The following RFTN2 variants were observed in gnomAD, a reference collection of about 807,000 sequenced individuals.
RFTN2 encodes the protein raftlin family member 2.
In RFTN2, 34 loss-of-function variants were observed where a neutral mutation model predicts 52.7. The ratio of observed to expected loss-of-function variants is 0.64; its 90% confidence interval spans 0.49 to 0.86. The LOEUF (loss-of-function observed/expected upper bound fraction) is 0.86. RFTN2 is among the 40% of genes least tolerant of loss of function. The probability of loss-of-function intolerance (pLI) is 0.00; values close to 1 mark genes in which losing one functional copy is unlikely to be tolerated. For missense variants in RFTN2, 536 were observed against 600.1 expected, an observed-to-expected ratio of 0.89 and a Z score of 1.12; for synonymous variants, 203 against 217.7, an observed-to-expected ratio of 0.93 and a Z score of 0.59.
chr2:197,634,248 T>C lies in RFTN2; in HGVS notation c.439-251A>G, dbSNP rs1271831489. Among the ~76,000 whole-genome samples, 6 of 152,276 alleles carry C rather than the reference T, an allele frequency of 3.9e-5. No individual in the cohort carries two copies. The East Asian group carries it at 1.2e-3, about 29-fold the overall frequency. ...AAATTATGAAAACAGGAATTATTTT[T>C]CCCTGAAGGGCCACTGTTTGGGAAG... is the stretch of plus-strand genomic sequence containing the variant. On this transcript the variant is annotated intron_variant, in intron 3 of 8. Transcript: ENST00000295049.
At chr2:197,600,424 G>T (rs889302844) in intron 7 of RFTN2, among the ~76,000 whole-genome samples, 3 of 152,144 alleles carry the variant, frequency 2.0e-5, no homozygotes, top group African/African-American at 7.2e-5. Context: ...TTTTCTGAGG[G>T]CCATTTTGAT....
At chr2:197,596,184 T>G in intron 7 of RFTN2, 115 bp from the exon 8 acceptor site, 1 of 494,034 alleles carries the variant, frequency 2.0e-6, no homozygotes, top group Non-Finnish European at 3.5e-6. Flanking sequence ...CCAAAAATAA[T>G]TATAAAATAT....
At chr2:197,585,347 T>C (rs910488726) in intron 8 of RFTN2, among the ~76,000 whole-genome samples, 2 of 152,232 alleles carry the variant, frequency 1.3e-5, no homozygotes, top group Non-Finnish European at 2.9e-5. Flanking sequence ...TACTTGTAAA[T>C]GCCCTGCCCT....
chr2:197,580,005 A>C (rs563576600), intron 8 of RFTN2, among the ~76,000 whole-genome samples: 11 of 152,064 alleles, frequency 7.2e-5, no homozygotes, highest in Non-Finnish European at 1.6e-4. Context: ...ACCTCTCCCA[A>C]ATCAATTAGC....
At chr2:197,611,650 C>A (rs1390427134) in intron 7 of RFTN2, among the ~76,000 whole-genome samples, 2 of 152,112 alleles carry the variant, frequency 1.3e-5, no homozygotes, top group Non-Finnish European at 1.5e-5. Context: ...CTGTCTTCTG[C>A]TAGCTTTTGA....
intron 5 of RFTN2, among the ~76,000 whole-genome samples, chr2:197,624,142 G>A (rs1024121055): frequency 4.6e-5 from 7 of 152,174 alleles, no homozygotes; most frequent in African/African-American, 1.7e-4. Flanking sequence ...TGGTGAAGAT[G>A]CTGTGAACAT....
At chr2:197,580,126 T>G (rs924241454) in intron 8 of RFTN2, among the ~76,000 whole-genome samples, 3 of 152,010 alleles carry the variant, frequency 2.0e-5, no homozygotes, top group African/African-American at 7.3e-5. Flanking sequence ...AAAAGCCATA[T>G]TATTCTCAAT....
intron 5 of RFTN2, among the ~76,000 whole-genome samples, chr2:197,618,407 G>C (rs962788056): frequency 2.0e-5 from 3 of 152,118 alleles, no homozygotes; most frequent in Non-Finnish European, 4.4e-5. Context: ...GCCCAGGCTG[G>C]AGTGCAGTGG....
rs748768463 is a variant in RFTN2 at position 197,580,765 on chromosome 2, C to T, written c.1234-8485G>A. Among the ~76,000 whole-genome samples, 39 of 152,196 alleles carry T rather than the reference C, an allele frequency of 2.6e-4. 1 individual carries two copies. Among genetic ancestry groups the T allele is most frequent in the Non-Finnish European group, 5.0e-4 (34 of 68,034 alleles). ...CCTCCATAACTGTTGTGGGTATTGA[C>T]GGCCAGACTTCTAAACCTCTTAAAA... On this transcript the variant is annotated intron_variant, in intron 8 of 8. Coordinates refer to ENST00000295049, the MANE Select transcript of RFTN2 (RefSeq NM_144629.3).
chr2:197,580,471 C>A (rs908583229), intron 8 of RFTN2, among the ~76,000 whole-genome samples: 2 of 152,202 alleles, frequency 1.3e-5, no homozygotes, highest in Non-Finnish European at 2.9e-5. Context: ...CTGTGCAGGA[C>A]CCCACTGGAA....
intron 7 of RFTN2, among the ~76,000 whole-genome samples, chr2:197,606,358 G>C (rs752729670): frequency 1.3e-5 from 2 of 152,174 alleles, no homozygotes; most frequent in Non-Finnish European, 2.9e-5. Context: ...GAACATTCTT[G>C]TTAAAATAAA....
intron 1 of RFTN2, among the ~76,000 whole-genome samples, chr2:197,655,762 T>C (rs1234316068): frequency 1.3e-5 from 2 of 151,908 alleles, no homozygotes; most frequent in African/African-American, 4.8e-5. Context: ...AGGTGGAGGT[T>C]GAAGTGAGCC....
At chr2:197,584,858 C>T (rs887376289) in intron 8 of RFTN2, among the ~76,000 whole-genome samples, 4 of 152,146 alleles carry the variant, frequency 2.6e-5, no homozygotes, top group African/African-American at 7.2e-5. Context: ...ACAGGAAATT[C>T]GCCAGGCTGC....
chr2:197,633,588 G>A, intron 4 of RFTN2, 130 bp downstream of exon 4: 1 of 742,036 alleles, frequency 1.3e-6, no homozygotes, highest in Non-Finnish European at 2.1e-6. Context: ...AAATCATGAG[G>A]TTTTTATTAG....
At chr2:197,635,307 A>G (rs1235486412) in intron 3 of RFTN2, among the ~76,000 whole-genome samples, 3 of 148,748 alleles carry the variant, frequency 2.0e-5, no homozygotes, top group East Asian at 3.9e-4. Context: ...CTGAGGAGTC[A>G]CCACACTGAC....
Position 197,644,195 on chromosome 2 carries a change from G to A in RFTN2, c.401C>T (p.Ala134Val). ...VIEECPLTSE[A>V]QTNDAAKELI... ...TTCTTTTGCTGCGTCATTTGTTTGT[G>A]CCTCAGAAGTTAGGGGACATTCCTC... is the stretch of plus-strand genomic sequence containing the variant. The change falls in exon 3 of 9, where the codon GCA becomes GTA. Residue 134 changes from alanine to valine, a missense_variant. Ala to Val is a moderately conservative substitution (Grantham distance 64). Transcript: ENST00000295049. The A allele has an allele frequency of 2.5e-6, 4 of 1,612,706 alleles. No individual in the cohort carries two copies. Among genetic ancestry groups the A allele is most frequent in the Middle Eastern group, 1.7e-4 (1 of 6,058 alleles).
At chr2:197,650,401 A>G (rs1326268381) in intron 1 of RFTN2, among the ~76,000 whole-genome samples, 1 of 152,200 alleles carries the variant, frequency 6.6e-6, no homozygotes, top group African/African-American at 2.4e-5. Flanking sequence ...AAAAGTCCAT[A>G]GATTGTGGTT....
chr2:197,649,932 T>G (rs2088802087), intron 1 of RFTN2, among the ~76,000 whole-genome samples: 1 of 152,166 alleles, frequency 6.6e-6, no homozygotes, highest in Non-Finnish European at 1.5e-5. Context: ...ATTAATTTTA[T>G]TTTAGCTCCA....
chr2:197,578,831 C>T (rs886213332), intron 8 of RFTN2, among the ~76,000 whole-genome samples: 4 of 152,200 alleles, frequency 2.6e-5, no homozygotes, highest in Non-Finnish European at 5.9e-5. Context: ...ATCCCCTGTC[C>T]TCCTGCTCTT....
Sources: allele counts gnomAD v4.1 joint callset (sites outside exome capture counted in the v4.1 genomes callset), GRCh38; gene constraint gnomAD v4.1.1; transcripts MANE v1.5; gene names NCBI Gene and HGNC (gene_info 2026-07-23, HGNC 2026-07-21).